The following FGF12 variants were observed in gnomAD, a reference collection of about 807,000 sequenced individuals.
FGF12 encodes fibroblast growth factor 12B.
In FGF12, 14 loss-of-function variants were observed where a neutral mutation model predicts 23.6. The ratio of observed to expected loss-of-function variants is 0.59; its 90% confidence interval spans 0.39 to 0.93. FGF12 has a LOEUF of 0.93. Ranked by LOEUF, FGF12 falls within the 40% of genes least tolerant of loss-of-function variation. The pLI is 0.00. For synonymous variants in FGF12, 62 were observed against 77.3 expected (o/e 0.80, Z 1.04); for missense variants, 175 against 217.8 (o/e 0.80, Z 1.24).
chr3:192,601,723 C>A (rs62292996), intron 2 of FGF12, among the ~76,000 whole-genome samples: 1 of 151,944 alleles, frequency 6.6e-6, no homozygotes, highest in Admixed American at 6.6e-5. Context: ...CTGTGGATAC[C>A]AAAATCCACA....
intron 2 of FGF12, among the ~76,000 whole-genome samples, chr3:192,542,828 A>C (rs1425003181): frequency 6.6e-6 from 1 of 151,606 alleles, no homozygotes; most frequent in Non-Finnish European, 1.5e-5. Context: ...CCAGGAAAAG[A>C]CTCATGTTCT....
chr3:192,359,045 T>A (rs955875003), intron 3 of FGF12, among the ~76,000 whole-genome samples: 3 of 152,148 alleles, frequency 2.0e-5, no homozygotes, highest in Non-Finnish European at 4.4e-5. Flanking sequence ...TGAAAGTACA[T>A]GGAGAGAAAA....
chr3:192,239,007 A>G (rs1719455332), intron 4 of FGF12, among the ~76,000 whole-genome samples: 1 of 152,234 alleles, frequency 6.6e-6, no homozygotes, highest in Admixed American at 6.5e-5. Context: ...CAGAGATTTT[A>G]GTGTAATACA....
intron 2 of FGF12, among the ~76,000 whole-genome samples, chr3:192,612,266 T>A (rs952544731): frequency 1.3e-5 from 2 of 152,146 alleles, no homozygotes; most frequent in African/African-American, 2.4e-5. Context: ...GGATTTTTTT[T>A]ATATTTTCTC....
At chr3:192,275,892 A>G (rs1330314166) in intron 4 of FGF12, among the ~76,000 whole-genome samples, 1 of 152,176 alleles carries the variant, frequency 6.6e-6, no homozygotes, top group Non-Finnish European at 1.5e-5. Context: ...AGCTAAGGAT[A>G]TTGCCTCACT....
rs1402051783 is a variant in FGF12 at position 192,336,912 on chromosome 3, C to T, written c.125-1448G>A. Among the ~76,000 whole-genome samples the T allele has an allele frequency of 6.6e-6, 1 of 152,122 alleles. No individual in the cohort carries two copies. Among genetic ancestry groups the T allele is most frequent in the African/African-American group, 2.4e-5 (1 of 41,432 alleles). On this transcript the variant is annotated intron_variant, in intron 3 of 5. Transcript: ENST00000445105. This position sits in a 1 kb window ranked among gnomAD's most constrained non-coding sequence, Gnocchi z 4.3. ...AGAACAGGATTCCATTCTTAGCTGT[C>T]GACATCGGATCAGTCCTTTTGCCTC...
intron 4 of FGF12, among the ~76,000 whole-genome samples, chr3:192,202,389 C>T (rs1181686001): frequency 6.6e-6 from 1 of 152,028 alleles, no homozygotes; most frequent in African/African-American, 2.4e-5. Context: ...TTTAAAGCCA[C>T]AGATAACTGC....
chr3:192,513,780 C>T (rs1724565808), intron 2 of FGF12, among the ~76,000 whole-genome samples: 1 of 152,166 alleles, frequency 6.6e-6, no homozygotes, highest in African/African-American at 2.4e-5. Context: ...TCTCTTCCCA[C>T]ACCCCACTCC....
At chr3:192,173,419 C>T (rs907839712) in intron 4 of FGF12, among the ~76,000 whole-genome samples, 1 of 142,986 alleles carries the variant, frequency 7.0e-6, no homozygotes, top group Non-Finnish European at 1.6e-5. Flanking sequence ...AAAACTGGCT[C>T]TTCGAAGGCC....
At chr3:192,349,589 C>T (rs1284714699) in intron 3 of FGF12, among the ~76,000 whole-genome samples, 1 of 152,028 alleles carries the variant, frequency 6.6e-6, no homozygotes, top group Non-Finnish European at 1.5e-5. Context: ...TAATTGTCAA[C>T]ATGAATATAT....
At chr3:192,464,319 C>T (rs1439048307) in intron 2 of FGF12, among the ~76,000 whole-genome samples, 3 of 151,990 alleles carry the variant, frequency 2.0e-5, no homozygotes, top group Non-Finnish European at 2.9e-5. Flanking sequence ...CTCCAAAGTC[C>T]GCTGTCTCAT....
chr3:192,446,195 G>A (rs937424160), intron 2 of FGF12, among the ~76,000 whole-genome samples: 2 of 152,270 alleles, frequency 1.3e-5, no homozygotes, highest in Admixed American at 6.5e-5. Flanking sequence ...TAAACATTAA[G>A]TGACTACTTA....
intron 2 of FGF12, among the ~76,000 whole-genome samples, chr3:192,715,394 C>G (rs1718835255): frequency 6.6e-6 from 1 of 152,208 alleles, no homozygotes; most frequent in African/African-American, 2.4e-5. Context: ...GATGAATGAA[C>G]TAAGCAATCC....
chr3:192,378,739 G>A (rs1374177214), intron 2 of FGF12, among the ~76,000 whole-genome samples: 3 of 151,928 alleles, frequency 2.0e-5, no homozygotes, highest in Non-Finnish European at 4.4e-5. Context: ...GCAGGTGTGG[G>A]GTTGTGGGCT....
intron 4 of FGF12, among the ~76,000 whole-genome samples, chr3:192,305,994 G>A (rs1195947726): frequency 6.6e-6 from 1 of 150,596 alleles, no homozygotes; most frequent in African/African-American, 2.4e-5. Flanking sequence ...CCAAGTAGCT[G>A]GGACTACAGG....
intron 2 of FGF12, among the ~76,000 whole-genome samples, chr3:192,561,117 A>C (rs964026123): frequency 6.6e-6 from 1 of 152,098 alleles, no homozygotes; most frequent in Non-Finnish European, 1.5e-5. Flanking sequence ...GGGAAAGGGG[A>C]AGCGGGGAGT....
chr3:192,391,446 A>G (rs1403731849), intron 2 of FGF12, among the ~76,000 whole-genome samples: 1 of 152,220 alleles, frequency 6.6e-6, no homozygotes, highest in Middle Eastern at 3.2e-3. Context: ...TCTTTTCTCA[A>G]AGCACATTAT....
chr3:192,371,594 G>A (rs1487997121), intron 2 of FGF12, among the ~76,000 whole-genome samples: 2 of 152,176 alleles, frequency 1.3e-5, no homozygotes, highest in Non-Finnish European at 2.9e-5. Flanking sequence ...GAAAATCCAC[G>A]GTTAGTTAAA....
At chr3:192,670,725 C>T (rs1200027150) in intron 2 of FGF12, among the ~76,000 whole-genome samples, 3 of 152,102 alleles carry the variant, frequency 2.0e-5, no homozygotes, top group Non-Finnish European at 2.9e-5. Flanking sequence ...AGTCCCTTAC[C>T]TTCAAAGAGT....
Sources: gnomAD v4.1 joint callset for allele counts (sites outside exome capture counted in the v4.1 genomes callset) on GRCh38, gnomAD v4.1.1 for gene constraint, Gnocchi (gnomAD v3.1) non-coding constraint, MANE v1.5 for transcripts, NCBI Gene and HGNC (gene_info 2026-07-23, HGNC 2026-07-21) for gene names.